The following RBFOX1 variants were observed in gnomAD, a reference collection of about 807,000 sequenced individuals.
RBFOX1 encodes RNA binding fox-1 homolog 1.
Under a neutral mutation model 57.7 loss-of-function variants are expected in RBFOX1, and 8 were observed. The ratio of observed to expected loss-of-function variants is 0.14; its 90% CI spans 0.08 to 0.25. RBFOX1 has a LOEUF of 0.25. Ranked by LOEUF, RBFOX1 falls within the 10% of genes least tolerant of loss-of-function variation. The pLI, the probability that RBFOX1 is intolerant of heterozygous loss-of-function variation, is 1.00. For missense variants in RBFOX1, 611 were observed against 548.5 expected (o/e 1.11, Z -1.14); for synonymous variants, 326 against 222.4 (o/e 1.47, Z -4.15).
At chr16:6,071,294 C>A (rs2095834683) in intron 1 of RBFOX1, among the ~76,000 whole-genome samples, 2 of 152,116 alleles carry the variant, frequency 1.3e-5, no homozygotes, top group South Asian at 4.1e-4. Context: ...GCACTCCAGC[C>A]TGGATGACAG....
At chr16:7,266,274 C>T (rs907893754) in intron 4 of RBFOX1, among the ~76,000 whole-genome samples, 4 of 151,790 alleles carry the variant, frequency 2.6e-5, no homozygotes, top group South Asian at 2.1e-4. Context: ...CGTGCCCGGC[C>T]GGTAGAGATG....
intron 3 of RBFOX1, among the ~76,000 whole-genome samples, chr16:5,843,110 A>G (rs749191364): frequency 2.4e-4 from 37 of 152,176 alleles, no homozygotes; most frequent in Non-Finnish European, 4.3e-4. Flanking sequence ...TACAGGCGTG[A>G]GCCACCACGC....
intron 3 of RBFOX1, among the ~76,000 whole-genome samples, chr16:5,748,495 T>TTG (rs1181094398): frequency 6.6e-6 from 1 of 152,162 alleles, no homozygotes; most frequent in African/African-American, 2.4e-5. Flanking sequence ...CCCATTATTA[T>TTG]TGTGTGGGAG....
intron 4 of RBFOX1, among the ~76,000 whole-genome samples, chr16:7,227,294 C>CCA (rs1038242650): frequency 4.3e-5 from 6 of 140,502 alleles, no homozygotes; most frequent in African/African-American, 1.2e-4. Context: ...CACCCCACCC[C>CCA]CACACACACA....
intron 2 of RBFOX1, among the ~76,000 whole-genome samples, chr16:6,491,038 C>G (rs563612615): frequency 4.6e-5 from 7 of 152,138 alleles, no homozygotes; most frequent in African/African-American, 1.7e-4. Context: ...ATAACCAAGA[C>G]TACCCAGTAA....
intron 2 of RBFOX1, among the ~76,000 whole-genome samples, chr16:5,486,213 A>G (rs1167697024): frequency 6.6e-6 from 1 of 152,148 alleles, no homozygotes; most frequent in Non-Finnish European, 1.5e-5. Flanking sequence ...TGACTGCAGT[A>G]TTGTCAAAGT....
At chr16:6,581,300 T>C (rs957039901) in intron 2 of RBFOX1, among the ~76,000 whole-genome samples, 8 of 152,330 alleles carry the variant, frequency 5.3e-5, no homozygotes, top group African/African-American at 1.9e-4. Context: ...TCTTTGCTTT[T>C]TCGATGATCC....
At chr16:6,932,370 G>GT (rs2076704017) in intron 3 of RBFOX1, among the ~76,000 whole-genome samples, 1 of 152,082 alleles carries the variant, frequency 6.6e-6, no homozygotes, top group African/African-American at 2.4e-5. Context: ...GGCTCCCTAA[G>GT]TGCTGGGATT....
At chr16:7,452,381 C>G (rs915361063) in intron 4 of RBFOX1, among the ~76,000 whole-genome samples, 2 of 152,162 alleles carry the variant, frequency 1.3e-5, no homozygotes, top group East Asian at 3.9e-4. Flanking sequence ...CACACGGTGC[C>G]TGGTGCATCC....
intron 3 of RBFOX1, among the ~76,000 whole-genome samples, chr16:6,722,662 A>G (rs978682047): frequency 1.3e-5 from 2 of 152,336 alleles, no homozygotes; most frequent in Middle Eastern, 3.4e-3. Context: ...CCATTTAAAT[A>G]TGGCTAAAAT....
chr16:6,522,011 C>T (rs112182861), intron 2 of RBFOX1, among the ~76,000 whole-genome samples: 5,370 of 152,156 alleles, frequency 0.035, 262 homozygotes, highest in African/African-American at 0.11. Context: ...TTCTACAAAG[C>T]CAAATATTTG....
At chr16:6,645,721 A>G (rs2098528787) in intron 2 of RBFOX1, among the ~76,000 whole-genome samples, 1 of 152,176 alleles carries the variant, frequency 6.6e-6, no homozygotes. Flanking sequence ...CAGGTTTCAC[A>G]AAGCCTGTTG....
chr16:6,122,343 G>T (rs1173603249), intron 1 of RBFOX1, among the ~76,000 whole-genome samples: 1 of 147,394 alleles, frequency 6.8e-6, no homozygotes, highest in Admixed American at 6.9e-5. Context: ...ACAGAACCTT[G>T]TGTCTAAAAG....
chr16:6,564,124 A>G (rs2097222324), intron 2 of RBFOX1, among the ~76,000 whole-genome samples: 1 of 152,050 alleles, frequency 6.6e-6, no homozygotes, highest in Non-Finnish European at 1.5e-5. Flanking sequence ...GGATTGTTCT[A>G]GGCTCTTTAA....
At chr16:7,380,519 T>G (rs968101332) in intron 4 of RBFOX1, among the ~76,000 whole-genome samples, 3 of 152,212 alleles carry the variant, frequency 2.0e-5, no homozygotes, top group Admixed American at 1.3e-4. Flanking sequence ...CATCTTTCAG[T>G]GTACTGTAAT....
At chr16:5,979,610 T>C (rs2060133009) in intron 4 of RBFOX1, among the ~76,000 whole-genome samples, 1 of 152,188 alleles carries the variant, frequency 6.6e-6, no homozygotes, top group Non-Finnish European at 1.5e-5. Context: ...ACGCCTCTAA[T>C]CTCAGCACTT....
At chr16:5,930,596 A>G (rs1293663980) in intron 4 of RBFOX1, among the ~76,000 whole-genome samples, 4 of 32,554 alleles carry the variant, frequency 1.2e-4, no homozygotes, top group Non-Finnish European at 1.7e-4. Flanking sequence ...GAGGGTGGGT[A>G]GGTGGACGGG....
intron 2 of RBFOX1, among the ~76,000 whole-genome samples, chr16:6,608,895 G>A (rs1396808475): frequency 6.6e-6 from 1 of 152,184 alleles, no homozygotes; most frequent in African/African-American, 2.4e-5. Flanking sequence ...CTGTAGAGGA[G>A]ATCTTTTTTC....
intron 4 of RBFOX1, among the ~76,000 whole-genome samples, chr16:7,473,483 G>T (rs1387612302): frequency 6.8e-6 from 1 of 147,636 alleles, no homozygotes; most frequent in Non-Finnish European, 1.5e-5. Flanking sequence ...TAATATATAT[G>T]TATATATGTT....
Sources: allele counts gnomAD v4.1 joint callset (sites outside exome capture counted in the v4.1 genomes callset), GRCh38; gene constraint gnomAD v4.1.1; transcripts MANE v1.5; gene names NCBI Gene and HGNC (gene_info 2026-07-23, HGNC 2026-07-21).